Variants in TRPM1 observed in about 807,000 individuals in gnomAD.
TRPM1 encodes the protein transient receptor potential cation channel subfamily M member 1, also known as TRPM1-203 APA Isoform, Intron 10.
TRPM1 carries 113 observed loss-of-function variants against 149.4 expected under a neutral mutation model. The ratio of observed to expected loss-of-function variants is 0.76; its 90% CI spans 0.65 to 0.88. TRPM1 has a LOEUF of 0.88. TRPM1 is among the 40% of genes least tolerant of loss of function. The probability of loss-of-function intolerance (pLI) is 0.00; values close to 1 mark genes in which losing one functional copy is unlikely to be tolerated. For synonymous variants in TRPM1, 741 were observed against 759.5 expected, an observed-to-expected ratio of 0.98 and a Z score of 0.40; for missense variants, 1,976 against 2,038.7, an observed-to-expected ratio of 0.97 and a Z score of 0.59.
chr15:31,152,652 C>T lies in TRPM1; in HGVS notation c.54+8254G>A, dbSNP rs113212812. Among the ~76,000 whole-genome samples, 431 of 152,240 alleles carry T rather than the reference C, an allele frequency of 2.8e-3. 1 individual carries two copies. Among genetic ancestry groups the T allele is most frequent in the African/African-American group, 1.0e-2 (414 of 41,538 alleles). On this transcript the variant is annotated intron_variant, in intron 1 of 26. Transcript: ENST00000542188. ...AGCATTGACATTAAAACAGAGACTA[C>T]GTGTGTGTGAGACAGGGTCTGGCTC...
At chr15:31,087,296 G>C (rs1389377447) in intron 1 of TRPM1, among the ~76,000 whole-genome samples, 1 of 133,900 alleles carries the variant, frequency 7.5e-6, no homozygotes, top group Non-Finnish European at 1.5e-5. Flanking sequence ...CCAGGCTGGA[G>C]TGCAGTGGTG....
At chr15:31,113,588 C>A (rs927870012) in intron 1 of TRPM1, among the ~76,000 whole-genome samples, 1 of 152,110 alleles carries the variant, frequency 6.6e-6, no homozygotes, top group East Asian at 1.9e-4. Context: ...CATACAACTG[C>A]AGGTTTGTTA....
chr15:31,033,304 G>A (rs1475452688), intron 21 of TRPM1, among the ~76,000 whole-genome samples: 1 of 152,132 alleles, frequency 6.6e-6, no homozygotes, highest in East Asian at 1.9e-4. Context: ...TGAGCCCCAC[G>A]TGGCCCCACA....
At chr15:31,113,229 CA>C (rs2035724700) in intron 1 of TRPM1, among the ~76,000 whole-genome samples, 1 of 152,112 alleles carries the variant, frequency 6.6e-6, no homozygotes, top group African/African-American at 2.4e-5. Flanking sequence ...ATCTCCCAGC[CA>C]AATCAACAAG....
Position 31,001,726 on chromosome 15 carries a change from A to G in TRPM1, c.*96T>C. The stretch of plus-strand genomic sequence containing the variant: ...TCTGAATTTCCAAAATTTTTTAAGG[A>G]AAATGTTTTTAGAAATTGATGATGT... On this transcript the variant is annotated 3_prime_UTR_variant, in exon 28 of 28. Transcript: ENST00000256552. The G allele has an allele frequency of 7.1e-7, 1 of 1,409,696 alleles. No individual in the cohort carries two copies. Among genetic ancestry groups the G allele is most frequent in the South Asian group, 1.3e-5 (1 of 76,696 alleles). 87.3% of individuals were successfully genotyped at this position (1,409,696 alleles called of 1,614,324 possible). A position where few individuals can be genotyped will look rare whatever the true frequency, so the allele number is the denominator to read the frequency against.
chr15:31,082,126 T>C (rs1374159311), intron 1 of TRPM1, among the ~76,000 whole-genome samples: 2 of 152,200 alleles, frequency 1.3e-5, no homozygotes, highest in Non-Finnish European at 2.9e-5. Context: ...CACCTGTCCT[T>C]GTGAAAGGAG....
chr15:31,069,733 T>C, intron 4 of TRPM1: 1 of 1,427,422 alleles, frequency 7.0e-7, no homozygotes, highest in East Asian at 2.5e-5. Context: ...TGTCTTCCTT[T>C]ACTGAAGATG....
In TRPM1 at chr15:31,120,223, A is replaced by G. The variant is rs117613531; in HGVS notation, c.54+40683T>C. Among the ~76,000 whole-genome samples, 41 of 152,268 alleles carry G rather than the reference A, an allele frequency of 2.7e-4. No individual in the cohort carries two copies. In the East Asian group the frequency reaches 7.9e-3, roughly 29 times the overall value. ...GTTAAAATATAGGGAAAGATATACC[A>G]TGCTATAATTAGTCAAAAGAAAGCT... On this transcript the variant is annotated intron_variant, in intron 1 of 26. Transcript: ENST00000542188.
chr15:31,159,030 A>G (rs903530727), intron 1 of TRPM1, among the ~76,000 whole-genome samples: 2 of 151,996 alleles, frequency 1.3e-5, no homozygotes, highest in Non-Finnish European at 2.9e-5. Flanking sequence ...CCCTCACTCA[A>G]ATGGAGTCGC....
At chr15:31,089,548 G>A (rs938693598) in intron 1 of TRPM1, among the ~76,000 whole-genome samples, 1 of 152,192 alleles carries the variant, frequency 6.6e-6, no homozygotes, top group Non-Finnish European at 1.5e-5. Flanking sequence ...GGTGGATGGG[G>A]GGCCGAGACA....
At chr15:31,093,504 G>A (rs1198857752) in intron 1 of TRPM1, among the ~76,000 whole-genome samples, 1 of 152,032 alleles carries the variant, frequency 6.6e-6, no homozygotes, top group Non-Finnish European at 1.5e-5. Flanking sequence ...ACAAGACCTC[G>A]CTGAAAGAAA....
chr15:31,030,868 G>A, intron 23 of TRPM1, 115 bp downstream of exon 23: 1 of 1,205,574 alleles, frequency 8.3e-7, no homozygotes, highest in Non-Finnish European at 1.2e-6. Flanking sequence ...GATGCCTATG[G>A]TGGAGTGACA....
rs145037403 is a variant in TRPM1, at chr15:31,067,129, C to G, written c.552G>C (p.Arg184=). The G allele has an allele frequency of 7.4e-5, 120 of 1,614,136 alleles. No individual in the cohort carries two copies. The African/African-American group carries it at 1.4e-3, about 18-fold the overall frequency. Residue 184 remains arginine, a synonymous_variant, in exon 6 of 28, where the codon CGG becomes CGC. Transcript: ENST00000256552. The part of the protein sequence containing the change: ...LKDHSSKSRG[R]VCAIGIAPWG... ...ATGGAGCAATTCCTATAGCACAAAC[C>G]CGGCCTCTGGACTTGGAGGAGTGGT...
At chr15:31,148,086 G>T (rs2036245965) in intron 1 of TRPM1, among the ~76,000 whole-genome samples, 1 of 152,252 alleles carries the variant, frequency 6.6e-6, no homozygotes, top group Admixed American at 6.5e-5. Flanking sequence ...CACAGAGATT[G>T]TGCAGTTTGT....
At chr15:31,098,805 C>T (rs1184421947) in intron 1 of TRPM1, among the ~76,000 whole-genome samples, 1 of 151,856 alleles carries the variant, frequency 6.6e-6, no homozygotes, top group Admixed American at 6.6e-5. Context: ...GATACCTGTG[C>T]TTGCCACTTT....
intron 18 of TRPM1, among the ~76,000 whole-genome samples, chr15:31,039,787 G>A (rs888928254): frequency 3.9e-5 from 6 of 152,118 alleles, no homozygotes; most frequent in South Asian, 2.1e-4. Context: ...ACCAGGGTGC[G>A]TGTGCATACT....
At chr15:31,021,902 T>C (rs1454715020) in intron 27 of TRPM1, among the ~76,000 whole-genome samples, 2 of 152,114 alleles carry the variant, frequency 1.3e-5, no homozygotes, top group Non-Finnish European at 2.9e-5. Flanking sequence ...TATTGTGAAA[T>C]GTCAGACATT....
Position 31,069,313 on chromosome 15 carries a change from C to T in TRPM1, c.279+718G>A, listed in dbSNP as rs11853133. 7,554 of 653,446 alleles carry T rather than the reference C, an allele frequency of 0.012. 455 individuals are homozygous for T. In the African/African-American group the frequency reaches 0.13, roughly 12 times the overall value. 40.5% of individuals were successfully genotyped at this position (653,446 alleles called of 1,614,324 possible). A position where few individuals can be genotyped will look rare whatever the true frequency, so the allele number is the denominator to read the frequency against. ...GAGGAGGCTAATAATGCTCAGATGC[C>T]TTGTCTCCTATAAACTGCTTCTTTG... On this transcript the variant is annotated intron_variant, in intron 4 of 27. Coordinates refer to ENST00000256552, the MANE Select transcript of TRPM1 (RefSeq NM_001252024.2).
rs192017193 is a variant in TRPM1, at chr15:31,073,386, G to A, written c.84-3160C>T. ...TATATGTCTATCCTATGCCAGTATC[G>A]TTGTCCTTTTATTACTGTAGCTTTG... is the stretch of plus-strand genomic sequence containing the variant. On this transcript the variant is annotated intron_variant, in intron 3 of 27. Transcript: ENST00000256552. 3.0e-4 allele frequency among the ~76,000 whole-genome samples: 45 copies of A among 152,132 alleles called. 1 individual carries two copies. The highest frequency in any genetic ancestry group is 5.0e-4 in the Non-Finnish European group (34 of 67,962).
Sources: gnomAD v4.1 joint callset for allele counts (sites outside exome capture counted in the v4.1 genomes callset) on GRCh38, gnomAD v4.1.1 for gene constraint, MANE v1.5 for transcripts, NCBI Gene and HGNC (gene_info 2026-07-23, HGNC 2026-07-21) for gene names.